Variants in THNSL2 observed in about 807,000 individuals in gnomAD.
THNSL2 encodes threonine synthase-like 2.
Under a neutral mutation model 40.0 loss-of-function variants are expected in THNSL2, and 34 were observed. The observed-to-expected ratio is 0.85, with a 90% CI of 0.65 to 1.13. THNSL2 has a LOEUF of 1.13. Among genes scored for constraint, THNSL2 ranks in the 50% most tolerant of loss-of-function variants. The pLI is 0.00. For synonymous variants in THNSL2, 241 were observed against 247.5 expected (o/e 0.97, Z 0.25); for missense variants, 537 against 608.8 (o/e 0.88, Z 1.24).
intron 4 of THNSL2, chr2:88,177,247 T>C (rs768947279): frequency 6.6e-6 from 1 of 152,226 alleles, no homozygotes; most frequent in African/African-American, 2.4e-5. Context: ...ATTCAGATCC[T>C]TTCTTTCCTT....
In THNSL2 at chr2:88,185,388, C is replaced by A; in HGVS notation, c.1138C>A (p.Arg380Ser). 1 of 1,614,058 alleles carries A rather than the reference C, an allele frequency of 6.2e-7. No homozygotes were observed. The highest frequency in any genetic ancestry group is 8.5e-7 in the Non-Finnish European group (1 of 1,180,024). ...TGAAGCCATCACCCAGACCATGGGC[C>A]GCTGCTGGGATGAGAACCAGTACTT... Reference protein sequence around the residue: ...SDEAITQTMGRCWDENQYLLC... With the variant: ...SDEAITQTMGSCWDENQYLLC... The change falls in exon 8 of 9, where the codon CGC becomes AGC. Residue 380 changes from arginine (R) to serine (S), a missense_variant. Transcript: ENST00000674334.
In THNSL2 at chr2:88,186,489, C is replaced by T. The variant is rs1678304001; in HGVS notation, c.*366C>T. The T allele has an allele frequency of 1.2e-5, 3 of 249,036 alleles. No individual in the cohort carries two copies. The highest frequency in any genetic ancestry group is 9.4e-5 in the Admixed American group (2 of 21,242). The allele number at this position is 249,036 out of a possible 1,614,324, so 15.4% of individuals were successfully genotyped here. A position where few individuals can be genotyped will look rare whatever the true frequency, so the allele number is the denominator to read the frequency against. On this transcript the variant is annotated 3_prime_UTR_variant, in exon 9 of 9. Transcript: ENST00000674334. Reference sequence around the variant, plus strand: ...AGGTGGGAGCAGCTCACCACCTTCACGCAGGCTTTGTATGTTCTCTGAGCC... The same window carrying T: ...AGGTGGGAGCAGCTCACCACCTTCATGCAGGCTTTGTATGTTCTCTGAGCC...
chr2:88,173,381 C>A lies in THNSL2; in HGVS notation c.223+8C>A. The A allele has an allele frequency of 6.3e-7, 1 of 1,588,068 alleles. No homozygotes were observed. The highest frequency in any genetic ancestry group is 8.6e-7 in the Non-Finnish European group (1 of 1,166,636). ...CAAAAGATGAATTAAATGGTGAGTG[C>A]TCCCACCTGTACTTTCACTCTTCCA... On this transcript the variant is annotated splice_region_variant and intron_variant, in intron 2 of 8. Coordinates refer to ENST00000674334, the MANE Select transcript of THNSL2 (RefSeq NM_018271.5).
At position 88,178,930 on chromosome 2, in the gene THNSL2, T is replaced by G. The variant is rs1210849999; in HGVS notation, c.719T>G (p.Phe240Cys). ...VQMAHHFFAY[F>C]QCTPSLDTHP... The stretch of plus-strand genomic sequence containing the variant: ...ATGGCCCATCACTTCTTTGCTTACT[T>G]CCAGTGTACGCCATCCTTGGACACA... The change falls in exon 5 of 9, where the codon TTC becomes TGC. Residue 240 changes from phenylalanine to cysteine, a missense_variant. By Grantham distance (205) the Phe-to-Cys change is radical (BLOSUM62 -2). Transcript: ENST00000674334. 2 of 1,614,106 alleles carry G rather than the reference T, an allele frequency of 1.2e-6. No homozygotes were observed. Among genetic ancestry groups the G allele is most frequent in the African/African-American group, 2.7e-5 (2 of 74,926 alleles).
intron 7 of THNSL2, among the ~76,000 whole-genome samples, chr2:88,185,083 AT>A (rs1402273348): frequency 6.6e-6 from 1 of 152,178 alleles, no homozygotes; most frequent in East Asian, 1.9e-4. Context: ...ATATTTGCTG[AT>A]TAGGAGCCAA....
chr2:88,178,099 T>C (rs1438565353), intron 4 of THNSL2, among the ~76,000 whole-genome samples: 1 of 152,200 alleles, frequency 6.6e-6, no homozygotes, highest in African/African-American at 2.4e-5. Context: ...AAATCAATAT[T>C]GGCTTGGTTG....
chr2:88,182,883 T>A, intron 6 of THNSL2, 36 bp downstream of exon 6: 1 of 1,611,940 alleles, frequency 6.2e-7, no homozygotes, highest in Non-Finnish European at 8.5e-7. Context: ...CTGGCCCAGG[T>A]GTTGGTTGGG....
chr2:88,173,405 C>T lies in THNSL2; in HGVS notation c.223+32C>T, dbSNP rs201183724. ...GCTCCCACCTGTACTTTCACTCTTC[C>T]AGCCCCTGCCAGCTCAGTCTACAGA... On this transcript the variant is annotated intron_variant, in intron 2 of 8. Transcript: ENST00000674334. 3.3e-5 allele frequency: 50 copies of T among 1,507,630 alleles called. 1 individual carries two copies. The East Asian group carries it at 9.6e-4, about 29-fold the overall frequency. 93.4% of individuals were successfully genotyped at this position (1,507,630 alleles called of 1,614,324 possible).
At chr2:88,171,304 A>G (rs1676344981) in intron 1 of THNSL2, 1 of 456,686 alleles carries the variant, frequency 2.2e-6, no homozygotes, top group Non-Finnish European at 4.4e-6. Context: ...CGTGAGGGGC[A>G]TGGGTATGTG....
rs757943243 is a variant in THNSL2, at chr2:88,174,745, T to C, written c.330T>C (p.Tyr110=). ...NVLELWHGVT[Y]AFKDLSLSCT... ...TGGAGCTGTGGCATGGCGTCACATA[T>C]GCATTTAAGGACCTGTCCCTGTCCT... The change falls in exon 3 of 9, where the codon TAT becomes TAC. Residue 110 remains tyrosine (Y), a synonymous_variant. Coordinates refer to ENST00000674334, the MANE Select transcript of THNSL2 (RefSeq NM_018271.5). The C allele has an allele frequency of 2.0e-5, 33 of 1,614,076 alleles. No homozygotes were observed. In the African/African-American group the frequency reaches 3.6e-4, roughly 18 times the overall value.
At chr2:88,175,630 T>C (rs1676844643) in intron 4 of THNSL2, 2 of 511,922 alleles carry the variant, frequency 3.9e-6, no homozygotes, top group Non-Finnish European at 6.8e-6. Flanking sequence ...CAGTACAACA[T>C]GCTAAGTATG....
chr2:88,176,035 T>C (rs1676900850), intron 4 of THNSL2: 1 of 152,218 alleles, frequency 6.6e-6, no homozygotes, highest in Non-Finnish European at 1.5e-5. Context: ...AAGGCTGCAG[T>C]GAACCAAGAT....
rs930990487 is a variant in THNSL2, at chr2:88,182,944, T to C, written c.952-4T>C. ...TCTGGACCTGAAACTGACTTTCTGC[T>C]CAGGTGCCCTACAACATGGAGAGGG... On this transcript the variant is annotated splice_polypyrimidine_tract_variant and splice_region_variant and intron_variant, in intron 6 of 8. Transcript: ENST00000674334. 10 of 1,614,122 alleles carry C rather than the reference T, an allele frequency of 6.2e-6. No individual in the cohort carries two copies. Among genetic ancestry groups the C allele is most frequent in the Non-Finnish European group, 7.6e-6 (9 of 1,180,016 alleles).
At position 88,182,707 on chromosome 2, in the gene THNSL2, A is replaced by G. The variant is rs749533432; in HGVS notation, c.811A>G (p.Ile271Val). 10 of 1,609,330 alleles carry G rather than the reference A, an allele frequency of 6.2e-6. No homozygotes were observed. The highest frequency in any genetic ancestry group is 5.3e-5 in the African/African-American group (4 of 74,930). The change falls in exon 6 of 9, where the codon ATT becomes GTT. Residue 271 changes from isoleucine to valine, a missense_variant. Physicochemically the swap from Ile to Val is conservative, Grantham distance 29. Transcript: ENST00000674334. ...GAAGNLAAGY[I>V]AQKIGLPIRL... ...TCCTCTCTTGTCTTAAGCTGGGTACATTGCTCAAAAGATAGGCCTGCCCAT... is the reference window on the plus strand; with the variant it reads ...TCCTCTCTTGTCTTAAGCTGGGTACGTTGCTCAAAAGATAGGCCTGCCCAT...
At chr2:88,170,865 C>T (rs1676292761) in intron 1 of THNSL2, among the ~76,000 whole-genome samples, 1 of 152,044 alleles carries the variant, frequency 6.6e-6, no homozygotes, top group African/African-American at 2.4e-5. Flanking sequence ...GTCCGAGTCT[C>T]CGCCCTGTCC....
chr2:88,174,602 G>A (rs980994136), intron 2 of THNSL2, 37 bp from the exon 3 acceptor site: 1 of 1,588,796 alleles, frequency 6.3e-7, no homozygotes, highest in Non-Finnish European at 8.6e-7. Context: ...AAAGAGACCA[G>A]GCCCCTCATT....
rs1469318027 is a variant in THNSL2, at chr2:88,170,417, C to CGCACCGG, written c.-50_-49insACCGGGC. ...CAGCCCTGCTGCGCACCGGGCCTCGCGCCCCGCGCCCCGCGCCCCGCGCCC... is the reference window on the plus strand; with the variant it reads ...CAGCCCTGCTGCGCACCGGGCCTCGCGCACCGGGCCCCGCGCCCCGCGCCCCGCGCCC... On this transcript the variant is annotated 5_prime_UTR_variant, in exon 1 of 9. Transcript: ENST00000674334. 82 of 53,386 alleles carry CGCACCGG rather than the reference C, an allele frequency of 1.5e-3. No homozygotes were observed. Among genetic ancestry groups the CGCACCGG allele is most frequent in the African/African-American group, 3.4e-3 (80 of 23,318 alleles). The allele number at this position is 53,386 out of a possible 1,614,324, so 3.3% of individuals were successfully genotyped here.
At position 88,186,299 on chromosome 2, in the gene THNSL2, G is replaced by C; in HGVS notation, c.*176G>C. 1.5e-6 allele frequency: 1 copy of C among 657,612 alleles called. No individual in the cohort carries two copies. The highest frequency in any genetic ancestry group is 2.8e-5 in the East Asian group (1 of 36,328). The allele number at this position is 657,612 out of a possible 1,614,324, so 40.7% of individuals were successfully genotyped here. On this transcript the variant is annotated 3_prime_UTR_variant, in exon 9 of 9. Coordinates refer to ENST00000674334, the MANE Select transcript of THNSL2 (RefSeq NM_018271.5). Reference sequence around the variant, plus strand: ...CTGGCTAGTCTGTGCCTGGTCACCAGGGAGGCTGAGTGAGGGGCTGTGAAC... The same window carrying C: ...CTGGCTAGTCTGTGCCTGGTCACCACGGAGGCTGAGTGAGGGGCTGTGAAC...
chr2:88,177,469 GTATT>G (rs1340954561), intron 4 of THNSL2, among the ~76,000 whole-genome samples: 1 of 152,144 alleles, frequency 6.6e-6, no homozygotes. Flanking sequence ...CAAGTGCTAG[GTATT>G]TATTGTTATT....
Sources: gnomAD v4.1 joint callset for allele counts (sites outside exome capture counted in the v4.1 genomes callset) on GRCh38, gnomAD v4.1.1 for gene constraint, MANE v1.5 for transcripts, NCBI Gene and HGNC (gene_info 2026-07-23, HGNC 2026-07-21) for gene names.